ZNF536: variants seen among roughly 807,000 people sequenced by gnomAD.
ZNF536 encodes zinc finger protein 536.
Under a neutral mutation model 84.5 loss-of-function variants are expected in ZNF536, and 13 were observed. That is an observed-to-expected ratio of 0.15 (90% CI 0.10 to 0.24). The LOEUF is 0.24. ZNF536 is among the 10% of genes least tolerant of loss of function. The pLI, the probability that ZNF536 is intolerant of heterozygous loss-of-function variation, is 1.00. For missense variants in ZNF536, 1,536 were observed against 1,747.5 expected, an observed-to-expected ratio of 0.88 and a Z score of 2.16; for synonymous variants, 811 against 742.5, an observed-to-expected ratio of 1.09 and a Z score of -1.50.
In ZNF536 at chr19:30,542,742, T is replaced by C. The variant is rs535433966; in HGVS notation, c.2324-5201T>C. On this transcript the variant is annotated intron_variant, in intron 3 of 4. Coordinates refer to ENST00000355537, the MANE Select transcript of ZNF536 (RefSeq NM_014717.3). ...ATAGAGCACTGTGACCCTTCAGTGT[T>C]TGAAAAGTTTTGAGATAGGTACTAA... Among the ~76,000 whole-genome samples the C allele has an allele frequency of 1.3e-3, 204 of 152,284 alleles. 1 individual carries two copies. Among genetic ancestry groups the C allele is most frequent in the African/African-American group, 4.7e-3 (195 of 41,548 alleles).
At chr19:30,389,810 C>G (rs763172786) in intron 1 of ZNF536, among the ~76,000 whole-genome samples, 4 of 152,204 alleles carry the variant, frequency 2.6e-5, no homozygotes, top group Non-Finnish European at 5.9e-5. Context: ...GTGGGCCCCT[C>G]CAGCTCCCTA....
intron 1 of ZNF536, among the ~76,000 whole-genome samples, chr19:30,594,573 A>C (rs1206838329): frequency 6.6e-6 from 1 of 152,128 alleles, no homozygotes; most frequent in Non-Finnish European, 1.5e-5. Context: ...TGATGGATTA[A>C]ATAGCTGCCT....
At chr19:30,441,779 C>G (rs577460778) in intron 1 of ZNF536, among the ~76,000 whole-genome samples, 123 of 152,312 alleles carry the variant, frequency 8.1e-4, no homozygotes, top group African/African-American at 2.9e-3. Flanking sequence ...CAAAGTTGGC[C>G]CAGCACCACC....
At chr19:30,647,474 A>T (rs963566850) in intron 1 of ZNF536, among the ~76,000 whole-genome samples, 5 of 152,126 alleles carry the variant, frequency 3.3e-5, no homozygotes, top group Admixed American at 3.3e-4. Context: ...AGACACTCTA[A>T]TTTCTTTCTC....
intron 1 of ZNF536, among the ~76,000 whole-genome samples, chr19:30,698,916 T>C (rs893487381): frequency 6.6e-6 from 1 of 152,244 alleles, no homozygotes; most frequent in South Asian, 2.1e-4. Flanking sequence ...CATTTGTCAA[T>C]CCTTCCCCCT....
chr19:30,676,320 A>G (rs1485232169), intron 1 of ZNF536, among the ~76,000 whole-genome samples: 3 of 152,234 alleles, frequency 2.0e-5, no homozygotes. Flanking sequence ...AACTGTGCCC[A>G]TTGAGAGTCT....
intron 1 of ZNF536, among the ~76,000 whole-genome samples, chr19:30,382,824 A>G (rs923134586): frequency 6.6e-6 from 1 of 152,206 alleles, no homozygotes; most frequent in African/African-American, 2.4e-5. Flanking sequence ...CTTCTGAAGC[A>G]CACAGGTGTT....
intron 1 of ZNF536, among the ~76,000 whole-genome samples, chr19:30,572,588 T>G (rs1398810149): frequency 6.6e-6 from 1 of 152,236 alleles, no homozygotes; most frequent in East Asian, 1.9e-4. Context: ...CTTGTCCATG[T>G]ACTTTAGCAC....
At chr19:30,425,537 C>T (rs893895612) in intron 1 of ZNF536, among the ~76,000 whole-genome samples, 2 of 152,192 alleles carry the variant, frequency 1.3e-5, no homozygotes, top group Non-Finnish European at 2.9e-5. Flanking sequence ...TCCTTCACCT[C>T]CTCAGCACTG....
intron 1 of ZNF536, among the ~76,000 whole-genome samples, chr19:30,680,075 G>T (rs1002237253): frequency 5.3e-5 from 8 of 152,062 alleles, no homozygotes; most frequent in African/African-American, 1.9e-4. Context: ...CCAAAGAGGG[G>T]TCAGGCTGAG....
intron 1 of ZNF536, among the ~76,000 whole-genome samples, chr19:30,699,216 G>A (rs1398020108): frequency 6.6e-6 from 1 of 152,068 alleles, no homozygotes; most frequent in Non-Finnish European, 1.5e-5. Flanking sequence ...AGGAGCCCTG[G>A]TTCCCTTTTT....
intron 2 of ZNF536, among the ~76,000 whole-genome samples, chr19:30,306,658 A>G (rs1390281023): frequency 6.6e-6 from 1 of 152,254 alleles, no homozygotes; most frequent in Non-Finnish European, 1.5e-5. Flanking sequence ...ATGTTCTGGA[A>G]AATATAGTTC....
intron 1 of ZNF536, among the ~76,000 whole-genome samples, chr19:30,411,042 GGT>G (rs1474392487): frequency 7.2e-5 from 11 of 151,950 alleles, no homozygotes; most frequent in Non-Finnish European, 1.5e-4. Context: ...TAACTACTTA[GGT>G]ATTTTCCAAT....
At chr19:30,563,945 T>A (rs975165266) in intron 1 of ZNF536, among the ~76,000 whole-genome samples, 2 of 152,030 alleles carry the variant, frequency 1.3e-5, no homozygotes, top group Admixed American at 6.5e-5. Flanking sequence ...TGTCAAGGTG[T>A]CTCTGGGATG....
chr19:30,407,760 A>G (rs540241216), intron 1 of ZNF536, among the ~76,000 whole-genome samples: 12 of 152,354 alleles, frequency 7.9e-5, no homozygotes, highest in Admixed American at 1.3e-4. Flanking sequence ...GTGAACAGCC[A>G]CTGAATTTAA....
chr19:30,466,094 TG>T (rs1283170020), intron 2 of ZNF536, among the ~76,000 whole-genome samples: 2 of 151,888 alleles, frequency 1.3e-5, no homozygotes, highest in African/African-American at 4.8e-5. Flanking sequence ...TGGGCACCTA[TG>T]GTCTCAGCTA....
chr19:30,349,602 G>A lies in ZNF536; in HGVS notation c.-119-2766G>A, dbSNP rs139835451. ...TCCCTAGGTAACCGAGTGTACACTC[G>A]AGAAGAACTATAGAGAAAGGAAGAA... On this transcript the variant is annotated intron_variant, in intron 2 of 5. Transcript: ENST00000585628. Among the ~76,000 whole-genome samples the A allele has an allele frequency of 3.9e-3, 586 of 152,070 alleles. 4 individuals are homozygous for A. Among genetic ancestry groups the A allele is most frequent in the African/African-American group, 0.013 (552 of 41,486 alleles).
At chr19:30,362,720 C>G (rs1464776556) in intron 3 of ZNF536, among the ~76,000 whole-genome samples, 2 of 152,246 alleles carry the variant, frequency 1.3e-5, no homozygotes, top group East Asian at 3.9e-4. Flanking sequence ...TCTTTCTCCT[C>G]CCCACAAAGG....
At chr19:30,360,439 G>A (rs1454960034) in intron 3 of ZNF536, among the ~76,000 whole-genome samples, 1 of 152,244 alleles carries the variant, frequency 6.6e-6, no homozygotes, top group Non-Finnish European at 1.5e-5. Context: ...ATGAAATCGG[G>A]CCTTGTCTGC....
Sources: gnomAD v4.1 joint callset for allele counts (sites outside exome capture counted in the v4.1 genomes callset) on GRCh38, gnomAD v4.1.1 for gene constraint, MANE v1.5 for transcripts, NCBI Gene and HGNC (gene_info 2026-07-23, HGNC 2026-07-21) for gene names.